The following MMP26 variants were observed in gnomAD, a reference collection of about 807,000 sequenced individuals.
The protein encoded by MMP26 is matrix metalloproteinase-26.
Under a neutral mutation model 31.0 loss-of-function variants are expected in MMP26, and 33 were observed. That is an observed-to-expected ratio of 1.06 (90% CI 0.81 to 1.42). The LOEUF is 1.42. MMP26 is among the 40% of genes most tolerant of loss of function. MMP26 has a pLI of 0.00. For synonymous variants in MMP26, 122 were observed against 114.9 expected (o/e 1.06, Z -0.40); for missense variants, 347 against 316.1 (o/e 1.10, Z -0.74).
chr11:4,792,562 C>A (rs1267675199), intron 2 of MMP26, among the ~76,000 whole-genome samples: 1 of 152,198 alleles, frequency 6.6e-6, no homozygotes, highest in Non-Finnish European at 1.5e-5. Context: ...TATCCATTTT[C>A]ACTGTCTTGG....
At chr11:4,965,433 AT>A (rs1425941777) in intron 2 of MMP26, among the ~76,000 whole-genome samples, 14 of 152,318 alleles carry the variant, frequency 9.2e-5, no homozygotes, top group African/African-American at 3.4e-4. Flanking sequence ...TAAATGTCTG[AT>A]TTGAGATTCC....
rs747963953 is a variant in MMP26 at position 4,991,480 on chromosome 11, G to A, written c.579G>A (p.Trp193Ter). The change falls in exon 6 of 8, where the codon TGG becomes TGA. Residue 193 changes from tryptophan (W) to a stop codon, truncating the protein, a stop_gained. Transcript: ENST00000380390. LOFTEE classifies it high-confidence loss of function. ...TCCATTTTGACAAGAATGAACACTG[G>A]TCAGCTTCAGACACTGGTAAATGCC... Reference protein sequence around the residue: ...GVVHFDKNEHWSASDTGYNLF... With the variant: ...GVVHFDKNEH 11 of 1,613,820 alleles carry A rather than the reference G, an allele frequency of 6.8e-6. No homozygotes were observed. The South Asian group carries it at 7.7e-5, about 11-fold the overall frequency.
intron 1 of MMP26, among the ~76,000 whole-genome samples, chr11:4,765,035 C>T (rs1022448332): frequency 1.3e-5 from 2 of 152,196 alleles, no homozygotes; most frequent in African/African-American, 4.8e-5. Flanking sequence ...CTCTTTGTCT[C>T]AAGATTTGGT....
At chr11:4,918,390 T>A (rs1851130620) in intron 2 of MMP26, among the ~76,000 whole-genome samples, 1 of 152,106 alleles carries the variant, frequency 6.6e-6, no homozygotes, top group African/African-American at 2.4e-5. Context: ...CAGACTTTCT[T>A]TGGGATTGGA....
At chr11:4,938,458 A>AAAAAAAAAAAG (rs1162409378) in intron 2 of MMP26, among the ~76,000 whole-genome samples, 1 of 142,140 alleles carries the variant, frequency 7.0e-6, no homozygotes, top group Non-Finnish European at 1.5e-5. Context: ...TCAGACTGAA[A>AAAAAAAAAAAG]AAAAAAAAAA....
At chr11:4,779,177 C>A (rs1848826661) in intron 2 of MMP26, among the ~76,000 whole-genome samples, 1 of 152,008 alleles carries the variant, frequency 6.6e-6, no homozygotes, top group Non-Finnish European at 1.5e-5. Flanking sequence ...CATCATTATC[C>A]TGTGACCAAA....
intron 2 of MMP26, among the ~76,000 whole-genome samples, chr11:4,831,883 G>C (rs2133481370): frequency 6.6e-6 from 1 of 152,206 alleles, no homozygotes; most frequent in Admixed American, 6.5e-5. Flanking sequence ...AAATATATCA[G>C]GGAATAAAGA....
At chr11:4,985,231 A>G (rs958494455) in intron 2 of MMP26, among the ~76,000 whole-genome samples, 1 of 152,166 alleles carries the variant, frequency 6.6e-6, no homozygotes, top group Non-Finnish European at 1.5e-5. Context: ...AAAGAGTTTT[A>G]TATTCCCCAA....
chr11:4,923,891 G>A (rs1180704844), intron 2 of MMP26: 4 of 1,613,994 alleles, frequency 2.5e-6, no homozygotes, highest in Admixed American at 3.3e-5. Flanking sequence ...TCTAAGCACT[G>A]AGCTTAGCCC....
chr11:4,779,867 A>G (rs906040027), intron 2 of MMP26, among the ~76,000 whole-genome samples: 1 of 152,124 alleles, frequency 6.6e-6, no homozygotes, highest in Non-Finnish European at 1.5e-5. Flanking sequence ...AACCTCCTCA[A>G]TGGCAACCAG....
chr11:4,769,175 C>G (rs2133419600), intron 2 of MMP26: 1 of 1,614,052 alleles, frequency 6.2e-7, no homozygotes, highest in African/African-American at 1.3e-5. Flanking sequence ...AGCAACTGCT[C>G]CCACATGGGA....
At chr11:4,839,964 C>T (rs1229994437) in intron 2 of MMP26, among the ~76,000 whole-genome samples, 6 of 151,886 alleles carry the variant, frequency 4.0e-5, no homozygotes, top group African/African-American at 1.5e-4. Context: ...GGGTGAGTTC[C>T]TGGCCAGGCA....
At position 4,948,026 on chromosome 11, in the gene MMP26, A is replaced by G. The variant is rs1846336423; in HGVS notation, c.-144-40042A>G. 1.6e-5 allele frequency among the ~76,000 whole-genome samples: 2 copies of G among 124,806 alleles called. 1 individual carries two copies. Among genetic ancestry groups the G allele is most frequent in the Admixed American group, 1.8e-4 (2 of 11,228 alleles). The allele number at this position is 124,806 out of a possible 152,430, so 81.9% of individuals were successfully genotyped here. A position where few individuals can be genotyped will look rare whatever the true frequency, so the allele number is the denominator to read the frequency against. ...CAAACATCCTAGGACATAATGTGTT[A>G]TCCTAGATTTTATTCCTGAATCCTG... is the stretch of plus-strand genomic sequence containing the variant. On this transcript the variant is annotated intron_variant, in intron 2 of 7. Transcript: ENST00000380390.
At chr11:4,867,389 T>C (rs1471426631) in intron 2 of MMP26, among the ~76,000 whole-genome samples, 1 of 49,368 alleles carries the variant, frequency 2.0e-5, no homozygotes, top group African/African-American at 4.7e-5. Context: ...ATGCTGTCCT[T>C]TTTTTTTTTT....
chr11:4,790,636 A>G (rs2133442403), intron 2 of MMP26, among the ~76,000 whole-genome samples: 1 of 152,304 alleles, frequency 6.6e-6, no homozygotes, highest in East Asian at 1.9e-4. Flanking sequence ...GAGCAAAAAT[A>G]GTAGGAAAGG....
chr11:4,788,717 G>T (rs142462608), intron 2 of MMP26, among the ~76,000 whole-genome samples: 12 of 152,156 alleles, frequency 7.9e-5, no homozygotes, highest in African/African-American at 2.4e-4. Context: ...CATTTTGAAG[G>T]GTTAGGAAGA....
intron 1 of MMP26, among the ~76,000 whole-genome samples, chr11:4,718,185 T>A (rs1401736097): frequency 6.6e-6 from 1 of 152,214 alleles, no homozygotes; most frequent in East Asian, 1.9e-4. Context: ...GAGAGGATTT[T>A]TTGGATGGGC....
At chr11:4,839,790 CCTT>C (rs1849769768) in intron 2 of MMP26, among the ~76,000 whole-genome samples, 1 of 151,598 alleles carries the variant, frequency 6.6e-6, no homozygotes, top group Admixed American at 6.6e-5. Flanking sequence ...GGGAGAGACT[CCTT>C]CTGCTTGAGG....
chr11:4,729,565 T>C (rs1280789003), intron 1 of MMP26, among the ~76,000 whole-genome samples: 2 of 152,150 alleles, frequency 1.3e-5, no homozygotes, highest in African/African-American at 4.8e-5. Flanking sequence ...AAGGCTGAGA[T>C]AGCTAGCCTG....
Sources: gnomAD v4.1 joint callset for allele counts (sites outside exome capture counted in the v4.1 genomes callset) on GRCh38, gnomAD v4.1.1 for gene constraint, MANE v1.5 for transcripts, NCBI Gene and HGNC (gene_info 2026-07-23, HGNC 2026-07-21) for gene names.